Variants in SAMD4A observed in about 807,000 individuals in gnomAD.
SAMD4A encodes sterile alpha motif domain containing 4A.
Under a neutral mutation model 81.3 loss-of-function variants are expected in SAMD4A, and 33 were observed. The ratio of observed to expected loss-of-function variants is 0.41; its 90% confidence interval spans 0.31 to 0.54. The LOEUF (loss-of-function observed/expected upper bound fraction) is 0.54. Among genes scored for constraint, SAMD4A ranks in the 20% least tolerant of loss-of-function variants. SAMD4A has a pLI of 0.37. For synonymous variants in SAMD4A, 389 were observed against 382.1 expected (o/e 1.02, Z -0.21); for missense variants, 854 against 951.1 (o/e 0.90, Z 1.34).
intron 2 of SAMD4A, among the ~76,000 whole-genome samples, chr14:54,594,810 C>G (rs2033870671): frequency 1.3e-5 from 2 of 152,132 alleles, no homozygotes; most frequent in African/African-American, 4.8e-5. Flanking sequence ...ATAATTTTTG[C>G]ATTGGAATTT....
intron 2 of SAMD4A, among the ~76,000 whole-genome samples, chr14:54,687,600 G>A (rs550445919): frequency 1.3e-5 from 2 of 152,134 alleles, no homozygotes; most frequent in Non-Finnish European, 2.9e-5. Flanking sequence ...TCGAGGTTAG[G>A]AATAGAAGGT....
chr14:54,734,136 T>G (rs1474333112), intron 3 of SAMD4A, among the ~76,000 whole-genome samples: 1 of 152,254 alleles, frequency 6.6e-6, no homozygotes, highest in Admixed American at 6.5e-5. Flanking sequence ...AAATTGGCAC[T>G]GTCGCCAAGG....
chr14:54,644,655 G>C (rs1018898099), intron 2 of SAMD4A, among the ~76,000 whole-genome samples: 1 of 152,162 alleles, frequency 6.6e-6, no homozygotes, highest in Non-Finnish European at 1.5e-5. Context: ...TAAGGGAAGG[G>C]TTTAATTCTA....
At chr14:54,600,577 GTT>G (rs1238738303) in intron 2 of SAMD4A, among the ~76,000 whole-genome samples, 2 of 152,176 alleles carry the variant, frequency 1.3e-5, no homozygotes, top group Non-Finnish European at 2.9e-5. Flanking sequence ...GACTAAAATT[GTT>G]TTCTTTGTTG....
chr14:54,737,083 A>G lies in SAMD4A; in HGVS notation c.775A>G (p.Met259Val), dbSNP rs1203723772. The G allele has an allele frequency of 1.9e-6, 3 of 1,614,008 alleles. No individual in the cohort carries two copies. Among genetic ancestry groups the G allele is most frequent in the Non-Finnish European group, 2.5e-6 (3 of 1,179,988 alleles). The change falls in exon 4 of 13, where the codon ATG (methionine) becomes GTG (valine). Residue 259 changes from methionine to valine, a missense_variant. Physicochemically the swap from Met to Val is conservative, Grantham distance 21. This residue lies in a region of SAMD4A where 387 missense variants were observed against 405.8 expected (regional missense o/e 0.95). Transcript: ENST00000554335. Reference protein sequence around the residue: ...LKRSVSLTPPMNVPNQPLGHG... With the variant: ...LKRSVSLTPPVNVPNQPLGHG... The stretch of plus-strand genomic sequence containing the variant: ...ACGATCTGTGTCCCTTACCCCACCC[A>G]TGAATGTGCCAAACCAGCCTCTAGG...
chr14:54,660,169 T>G (rs1158710054), intron 2 of SAMD4A, among the ~76,000 whole-genome samples: 1 of 152,216 alleles, frequency 6.6e-6, no homozygotes, highest in East Asian at 1.9e-4. Context: ...CAATGATACC[T>G]AAAGTCTTCT....
At chr14:54,688,401 GGTTT>G in intron 2 of SAMD4A, 1 of 974,640 alleles carries the variant, frequency 1.0e-6, no homozygotes, top group Non-Finnish European at 1.2e-6. Flanking sequence ...GTGTGGGGGT[GGTTT>G]GTGAGGGTGT....
At chr14:54,599,046 C>T (rs2033986496) in intron 2 of SAMD4A, among the ~76,000 whole-genome samples, 1 of 152,192 alleles carries the variant, frequency 6.6e-6, no homozygotes, top group Non-Finnish European at 1.5e-5. Context: ...TCTTGAACTC[C>T]TGGGCTCAAG....
intron 2 of SAMD4A, among the ~76,000 whole-genome samples, chr14:54,580,172 C>G (rs1023611237): frequency 6.6e-6 from 1 of 152,116 alleles, no homozygotes; most frequent in Non-Finnish European, 1.5e-5. Context: ...TAGATCCAGT[C>G]GCTTCCCGAC....
intron 2 of SAMD4A, among the ~76,000 whole-genome samples, chr14:54,660,027 G>C (rs531011095): frequency 1.3e-5 from 2 of 152,006 alleles, no homozygotes; most frequent in South Asian, 4.2e-4. Context: ...GTTGCAGTGA[G>C]CCGAGATCGC....
At chr14:54,685,699 C>T (rs570248508) in intron 2 of SAMD4A, 1 of 456,562 alleles carries the variant, frequency 2.2e-6, no homozygotes, top group African/African-American at 2.0e-5. Flanking sequence ...TGGAAAGGCT[C>T]CCCATGGTTG....
intron 4 of SAMD4A, among the ~76,000 whole-genome samples, chr14:54,743,757 A>C (rs1229956364): frequency 6.6e-6 from 1 of 152,182 alleles, no homozygotes; most frequent in Non-Finnish European, 1.5e-5. Context: ...CTCCATGGAC[A>C]CTTCCCAGTA....
chr14:54,702,606 G>A (rs780609901), intron 3 of SAMD4A, 26 bp downstream of exon 3: 21 of 1,609,204 alleles, frequency 1.3e-5, no homozygotes, highest in African/African-American at 2.7e-5. Flanking sequence ...TCCCTTTAAC[G>A]TAGTCTGGTT....
intron 3 of SAMD4A, among the ~76,000 whole-genome samples, chr14:54,725,634 G>A (rs963005196): frequency 1.3e-5 from 2 of 152,234 alleles, no homozygotes; most frequent in African/African-American, 2.4e-5. Flanking sequence ...TCCATTAGCA[G>A]TGTTGGTTTA....
intron 3 of SAMD4A, among the ~76,000 whole-genome samples, chr14:54,704,847 T>G (rs1441660451): frequency 6.6e-6 from 1 of 152,242 alleles, no homozygotes; most frequent in Non-Finnish European, 1.5e-5. Context: ...TCCTCTGTGT[T>G]GCCTATGGTG....
intron 2 of SAMD4A, among the ~76,000 whole-genome samples, chr14:54,571,581 C>T (rs537282485): frequency 9.2e-5 from 14 of 152,030 alleles, no homozygotes; most frequent in Non-Finnish European, 1.8e-4. Flanking sequence ...TCCACAAAAA[C>T]GTAACCCACA....
At chr14:54,590,384 G>C (rs149603858) in intron 2 of SAMD4A, among the ~76,000 whole-genome samples, 14 of 152,268 alleles carry the variant, frequency 9.2e-5, no homozygotes, top group African/African-American at 3.4e-4. Flanking sequence ...GCAGCTACTT[G>C]AGAGGCTGAG....
chr14:54,769,458 C>T (rs7143189), intron 8 of SAMD4A, among the ~76,000 whole-genome samples: 87,026 of 151,992 alleles, frequency 0.57, 25,226 homozygotes, highest in East Asian at 0.65. Flanking sequence ...TACAAGGCAG[C>T]AGGCAAAACA....
intron 2 of SAMD4A, among the ~76,000 whole-genome samples, chr14:54,659,473 G>A (rs1566570776): frequency 6.6e-6 from 1 of 152,054 alleles, no homozygotes; most frequent in African/African-American, 2.4e-5. Context: ...TGGGTTTTTT[G>A]TTTTTGGTTT....
Sources: allele counts gnomAD v4.1 joint callset (sites outside exome capture counted in the v4.1 genomes callset), GRCh38; gene constraint gnomAD v4.1.1; regional missense constraint gnomAD v4.1.1; transcripts MANE v1.5; gene names NCBI Gene and HGNC (gene_info 2026-07-23, HGNC 2026-07-21).